The following TBC1D9 variants were observed in gnomAD, a reference collection of about 807,000 sequenced individuals.
TBC1D9 encodes TBC1 domain family member 9A.
Under a neutral mutation model 132.0 loss-of-function variants are expected in TBC1D9, and 63 were observed. The observed-to-expected ratio is 0.48, with a 90% confidence interval of 0.39 to 0.59. The LOEUF is 0.59. TBC1D9 is among the 20% of genes least tolerant of loss of function. The pLI, the probability that TBC1D9 is intolerant of heterozygous loss-of-function variation, is 0.00. For missense variants in TBC1D9, 1,261 were observed against 1,592.7 expected (o/e 0.79, Z 3.54); for synonymous variants, 610 against 609.9 (o/e 1.00, Z 0.00).
intron 1 of TBC1D9, among the ~76,000 whole-genome samples, chr4:140,710,806 G>A (rs1738231311): frequency 6.6e-6 from 1 of 152,140 alleles, no homozygotes; most frequent in African/African-American, 2.4e-5. Flanking sequence ...ACCCTAATCA[G>A]GACCAACTAC....
At chr4:140,744,403 C>T (rs1738806737) in intron 1 of TBC1D9, among the ~76,000 whole-genome samples, 1 of 152,128 alleles carries the variant, frequency 6.6e-6, no homozygotes, top group Non-Finnish European at 1.5e-5. Flanking sequence ...TTCAGACATG[C>T]TTCATTATAC....
intron 13 of TBC1D9, chr4:140,644,071 C>A: frequency 4.7e-6 from 2 of 423,806 alleles, no homozygotes; most frequent in East Asian, 5.2e-5. Flanking sequence ...CGCTTGGTCC[C>A]ATCAGCTGGG....
chr4:140,750,736 G>A (rs1392668911), intron 1 of TBC1D9, among the ~76,000 whole-genome samples: 1 of 152,050 alleles, frequency 6.6e-6, no homozygotes, highest in African/African-American at 2.4e-5. Flanking sequence ...CAGACTCAAT[G>A]TAATGTCAAT....
At position 140,662,524 on chromosome 4, in the gene TBC1D9, C is replaced by A. The variant is rs533667425; in HGVS notation, c.1589-417G>T. ...TTTTATTGTGGTTTCATTAAGATTT[C>A]ACTTGAAATAGGAGGTTCTGTCTCT... On this transcript the variant is annotated intron_variant, in intron 9 of 20. Coordinates refer to ENST00000442267, the MANE Select transcript of TBC1D9 (RefSeq NM_015130.3). 1.6e-4 allele frequency among the ~76,000 whole-genome samples: 25 copies of A among 152,302 alleles called. No individual in the cohort carries two copies. In the South Asian group the frequency reaches 2.9e-3, roughly 18 times the overall value.
At chr4:140,725,800 G>C (rs868456742) in intron 1 of TBC1D9, among the ~76,000 whole-genome samples, 1 of 151,922 alleles carries the variant, frequency 6.6e-6, no homozygotes, top group Non-Finnish European at 1.5e-5. Context: ...GGGAAGTGTG[G>C]GATAAAATTA....
rs367946595 is a variant in TBC1D9 at position 140,628,407 on chromosome 4, G to C, written c.2747-42C>G. ...TACCAATGTGAAATGCATCACATGT[G>C]CTAATAAACTCCAGGCCTAGTGTTC... On this transcript the variant is annotated intron_variant, in intron 16 of 20. Transcript: ENST00000442267. 2.3e-4 allele frequency: 348 copies of C among 1,523,450 alleles called. 2 individuals are homozygous for C. The Middle Eastern group carries it at 0.011, about 49-fold the overall frequency. The allele number at this position is 1,523,450 out of a possible 1,614,324, so 94.4% of individuals were successfully genotyped here.
intron 1 of TBC1D9, among the ~76,000 whole-genome samples, chr4:140,737,621 C>G (rs1353797032): frequency 6.6e-6 from 1 of 152,138 alleles, no homozygotes; most frequent in African/African-American, 2.4e-5. Context: ...TAGTCACAGA[C>G]AGTGATACAT....
chr4:140,643,776 T>A, intron 13 of TBC1D9: 1 of 957,512 alleles, frequency 1.0e-6, no homozygotes, highest in South Asian at 1.5e-5. Flanking sequence ...GTCTGGGCAC[T>A]CAGAGGGCTC....
At chr4:140,697,907 A>C (rs1010438185) in intron 2 of TBC1D9, among the ~76,000 whole-genome samples, 2 of 152,124 alleles carry the variant, frequency 1.3e-5, no homozygotes, top group African/African-American at 4.8e-5. Flanking sequence ...CTGTAAGGAG[A>C]GATCTGAGGG....
chr4:140,624,071 G>T (rs1351155233), intron 20 of TBC1D9, 45 bp downstream of exon 20: 1 of 1,453,712 alleles, frequency 6.9e-7, no homozygotes, highest in Non-Finnish European at 9.4e-7. Flanking sequence ...ATAGAAAAAA[G>T]AGTGTCCAGG....
chr4:140,691,525 G>T (rs2111030688), intron 2 of TBC1D9, among the ~76,000 whole-genome samples: 1 of 152,294 alleles, frequency 6.6e-6, no homozygotes, highest in East Asian at 1.9e-4. Flanking sequence ...GAAGGGCTTG[G>T]CTGTTGATTT....
chr4:140,649,748 G>A (rs2110988990), intron 13 of TBC1D9, among the ~76,000 whole-genome samples: 1 of 152,226 alleles, frequency 6.6e-6, no homozygotes, highest in Admixed American at 6.5e-5. Context: ...GGGGGCAGAG[G>A]AGGCAGGAGA....
chr4:140,696,941 T>C (rs1737969101), intron 2 of TBC1D9, among the ~76,000 whole-genome samples: 1 of 152,188 alleles, frequency 6.6e-6, no homozygotes, highest in South Asian at 2.1e-4. Context: ...ACTTTGTAGT[T>C]TATGAAAAAT....
chr4:140,750,873 T>TA (rs1265377100), intron 1 of TBC1D9, among the ~76,000 whole-genome samples: 1 of 152,122 alleles, frequency 6.6e-6, no homozygotes, highest in Non-Finnish European at 1.5e-5. Context: ...TTTTTTTTTT[T>TA]ACTTCATAAT....
intron 1 of TBC1D9, among the ~76,000 whole-genome samples, chr4:140,738,036 T>C (rs968560791): frequency 2.0e-5 from 3 of 152,206 alleles, no homozygotes; most frequent in African/African-American, 7.2e-5. Context: ...AAAACTTTAA[T>C]AATAATTTTA....
At chr4:140,629,912 T>C (rs1736766071) in intron 16 of TBC1D9, among the ~76,000 whole-genome samples, 1 of 152,226 alleles carries the variant, frequency 6.6e-6, no homozygotes, top group South Asian at 2.1e-4. Context: ...TTCATATGTA[T>C]AATCCCACTT....
At chr4:140,650,627 G>A (rs1279530185) in intron 13 of TBC1D9, among the ~76,000 whole-genome samples, 1 of 152,190 alleles carries the variant, frequency 6.6e-6, no homozygotes, top group Non-Finnish European at 1.5e-5. Context: ...CCGCCTCCCA[G>A]GTTCAATCGA....
At chr4:140,704,024 G>C (rs1259948983) in intron 1 of TBC1D9, among the ~76,000 whole-genome samples, 1 of 152,156 alleles carries the variant, frequency 6.6e-6, no homozygotes, top group Non-Finnish European at 1.5e-5. Flanking sequence ...GAAATAAAAT[G>C]CTGAAACTAC....
chr4:140,737,284 C>A (rs577987791), intron 1 of TBC1D9, among the ~76,000 whole-genome samples: 2 of 152,160 alleles, frequency 1.3e-5, no homozygotes, highest in African/African-American at 2.4e-5. Flanking sequence ...AGCGGAAGAT[C>A]TGCAGGAAGA....
Sources: allele counts gnomAD v4.1 joint callset (sites outside exome capture counted in the v4.1 genomes callset), GRCh38; gene constraint gnomAD v4.1.1; transcripts MANE v1.5; gene names NCBI Gene and HGNC (gene_info 2026-07-23, HGNC 2026-07-21).